Variants in INO80 observed in about 807,000 individuals in gnomAD.
INO80 encodes chromatin-remodeling ATPase INO80.
Under a neutral mutation model 203.4 loss-of-function variants are expected in INO80, and 20 were observed. That is an observed-to-expected ratio of 0.10 (90% CI 0.07 to 0.14). The LOEUF (loss-of-function observed/expected upper bound fraction) is 0.14. INO80 is among the 10% of genes least tolerant of loss of function. The pLI is 1.00. For missense variants in INO80, 1,419 were observed against 1,914.4 expected (o/e 0.74, Z 4.83); for synonymous variants, 726 against 685.2 (o/e 1.06, Z -0.93).
intron 1 of INO80, among the ~76,000 whole-genome samples, chr15:41,099,770 A>C (rs966934013): frequency 4.0e-5 from 6 of 148,298 alleles, no homozygotes; most frequent in African/African-American, 1.3e-4. Context: ...TAACAGAGTG[A>C]GACTATCCAA....
intron 1 of INO80, among the ~76,000 whole-genome samples, chr15:41,107,505 A>G (rs1052798317): frequency 6.6e-6 from 1 of 152,122 alleles, no homozygotes; most frequent in African/African-American, 2.4e-5. Flanking sequence ...TGTCATTAAA[A>G]AATAACTAAC....
chr15:41,028,516 GGTCA>G lies in INO80; in HGVS notation c.2908-784_2908-781del, dbSNP rs547114736. 2.7e-3 allele frequency among the ~76,000 whole-genome samples: 407 copies of G among 152,156 alleles called. 3 individuals are homozygous for G. The highest frequency in any genetic ancestry group is 0.013 in the South Asian group (61 of 4,810). On this transcript the variant is annotated intron_variant, in intron 24 of 35. Transcript: ENST00000648947. ...TTTATTCAGAGTAATCAATACAAGG[GGTCA>G]GTAACAGGAAATTCTATCTCTTTAG...
At chr15:41,100,958 T>C (rs977887588) in intron 1 of INO80, among the ~76,000 whole-genome samples, 1 of 151,676 alleles carries the variant, frequency 6.6e-6, no homozygotes, top group Non-Finnish European at 1.5e-5. Context: ...GCCTCCCAAG[T>C]AGCTGGGACT....
At chr15:41,080,744 C>T (rs1258137355) in intron 8 of INO80, among the ~76,000 whole-genome samples, 1 of 151,996 alleles carries the variant, frequency 6.6e-6, no homozygotes. Context: ...CCCAGCTACT[C>T]GGGAGGCTGA....
rs1355495701 is a variant in INO80, at chr15:40,979,882, G to A, written c.*341C>T. 1 of 322,628 alleles carries A rather than the reference G, an allele frequency of 3.1e-6. No individual in the cohort carries two copies. The highest frequency in any genetic ancestry group is 3.5e-5 in the South Asian group (1 of 28,644). 20.0% of individuals were successfully genotyped at this position (322,628 alleles called of 1,614,324 possible). A position where few individuals can be genotyped will look rare whatever the true frequency, so the allele number is the denominator to read the frequency against. Reference sequence around the variant, plus strand: ...TTGCAAGGGACGTGTCAGAGCCGAAGAGTGGAATCGGGATGGAAACAGTAT... The same window carrying A: ...TTGCAAGGGACGTGTCAGAGCCGAAAAGTGGAATCGGGATGGAAACAGTAT... On this transcript the variant is annotated 3_prime_UTR_variant, in exon 36 of 36. Coordinates refer to ENST00000648947, the MANE Select transcript of INO80 (RefSeq NM_017553.3).
In INO80 at chr15:40,984,350, C is replaced by A. The variant is rs1212193881; in HGVS notation, c.3924G>T (p.Lys1308Asn). The A allele has an allele frequency of 1.2e-6, 2 of 1,613,872 alleles. No homozygotes were observed. The highest frequency in any genetic ancestry group is 1.1e-5 in the South Asian group (1 of 91,048). Residue 1308 changes from lysine (K) to asparagine (N), a missense_variant and splice_region_variant, in exon 33 of 36, where the codon AAG becomes AAT. Lys to Asn is a moderately conservative substitution (Grantham distance 94). Around this residue, in one of 9 missense-constraint regions of INO80, gnomAD observed 214 missense variants for 248.9 expected, o/e 0.86. Coordinates refer to ENST00000648947, the MANE Select transcript of INO80 (RefSeq NM_017553.3). ...TCCCATCCAATTCATCTTCTTTTTT[C>A]TTCTGGGAACACACGGATAAATATG... Reference protein sequence around the residue: ...KRKREKYAEKKKKEDELDGKR... With the variant: ...KRKREKYAEKNKKEDELDGKR...
chr15:41,016,673 A>C, intron 26 of INO80: 1 of 152,508 alleles, frequency 6.6e-6, no homozygotes, highest in Middle Eastern at 3.2e-3. Flanking sequence ...AAAGTAAACA[A>C]AGAGATTTAT....
chr15:41,034,245 T>C (rs2044535601), intron 24 of INO80, among the ~76,000 whole-genome samples: 1 of 151,952 alleles, frequency 6.6e-6, no homozygotes. Flanking sequence ...CACCATAGGG[T>C]GGGTGAGTGC....
At chr15:40,994,981 G>A (rs1209049490) in intron 29 of INO80, among the ~76,000 whole-genome samples, 2 of 152,060 alleles carry the variant, frequency 1.3e-5, no homozygotes, top group Admixed American at 1.3e-4. Flanking sequence ...TCAGCCTCCC[G>A]AGTAGCTGGG....
chr15:41,060,058 G>A (rs907849002), intron 14 of INO80, 132 bp from the exon 15 acceptor site: 13 of 605,750 alleles, frequency 2.1e-5, no homozygotes, highest in Non-Finnish European at 3.6e-5. Flanking sequence ...TGCCAATGGT[G>A]GAATAAATGG....
intron 27 of INO80, among the ~76,000 whole-genome samples, chr15:41,005,959 TAAAAA>T (rs55706828): frequency 2.3e-5 from 3 of 131,426 alleles, no homozygotes; most frequent in Admixed American, 7.9e-5. Context: ...TAGGTTTCAT[TAAAAA>T]AAAAAAAAAA....
intron 24 of INO80, among the ~76,000 whole-genome samples, chr15:41,038,789 C>T (rs142892098): frequency 6.6e-6 from 1 of 152,302 alleles, no homozygotes; most frequent in African/African-American, 2.4e-5. Flanking sequence ...CCTGATATCA[C>T]ACTCTGAGGT....
intron 14 of INO80, 133 bp downstream of exon 14, chr15:41,069,437 T>C (rs1219585651): frequency 3.2e-5 from 17 of 533,496 alleles, no homozygotes; most frequent in Non-Finnish European, 5.2e-5. Flanking sequence ...CCCAAAGTGC[T>C]GAGATTACAA....
Position 41,059,915 on chromosome 15 carries a change from A to G in INO80, c.1794T>C (p.Tyr598=), listed in dbSNP as rs1456358346. ...RFVPKFKVLP[Y]WGNPHDRKVI... Reference sequence around the variant, plus strand: ...CTTTTCTATCATGAGGATTTCCCCAATATGGTAGCACCTAGAAAAAGGGCC... The same window carrying G: ...CTTTTCTATCATGAGGATTTCCCCAGTATGGTAGCACCTAGAAAAAGGGCC... Residue 598 remains tyrosine, a synonymous_variant, in exon 15 of 36, where the codon TAT becomes TAC. Coordinates refer to ENST00000648947, the MANE Select transcript of INO80 (RefSeq NM_017553.3). 6.2e-7 allele frequency: 1 copy of G among 1,609,516 alleles called. No homozygotes were observed. The highest frequency in any genetic ancestry group is 1.7e-5 in the Admixed American group (1 of 59,650).
At chr15:41,069,837 C>G (rs954238424) in intron 13 of INO80, among the ~76,000 whole-genome samples, 172 bp from the exon 14 acceptor site, 1 of 152,072 alleles carries the variant, frequency 6.6e-6, no homozygotes, top group Admixed American at 6.6e-5. Flanking sequence ...ATAATAAGAA[C>G]ATAAAGACAC....
intron 28 of INO80, among the ~76,000 whole-genome samples, chr15:41,004,032 A>T (rs2044002145): frequency 6.6e-6 from 1 of 152,258 alleles, no homozygotes. Flanking sequence ...GAAAAGATGA[A>T]GATCACCCAG....
intron 28 of INO80, among the ~76,000 whole-genome samples, chr15:41,003,439 C>A (rs2043993863): frequency 6.9e-6 from 1 of 144,650 alleles, no homozygotes; most frequent in African/African-American, 2.5e-5. Flanking sequence ...AAGTGATTCT[C>A]CTGCCTCAGC....
intron 27 of INO80, among the ~76,000 whole-genome samples, chr15:41,008,934 A>G (rs2044091825): frequency 6.6e-6 from 1 of 152,178 alleles, no homozygotes; most frequent in African/African-American, 2.4e-5. Context: ...CCGGGGTTCA[A>G]GCGATTCTCC....
rs755925549 is a variant in INO80 at position 41,081,030 on chromosome 15, T to C, written c.917A>G (p.Asn306Ser). The part of the protein sequence containing the change: ...KASARNLFLT[N>S]SRKLAHQCMK... ...AAACTACAATTTTACCTTTCGGCTA[T>C]TGGTGAGAAACAGGTTACGAGCTGA... Residue 306 changes from asparagine to serine, a missense_variant, in exon 8 of 36, where the codon AAT becomes AGT. Asn to Ser is a conservative substitution (Grantham distance 46). Transcript: ENST00000648947. 2.4e-5 allele frequency: 38 copies of C among 1,596,624 alleles called. No individual in the cohort carries two copies. Among genetic ancestry groups the C allele is most frequent in the East Asian group, 4.5e-5 (2 of 44,798 alleles).
Sources: allele counts gnomAD v4.1 joint callset (sites outside exome capture counted in the v4.1 genomes callset), GRCh38; gene constraint gnomAD v4.1.1; regional missense constraint gnomAD v4.1.1; transcripts MANE v1.5; gene names NCBI Gene and HGNC (gene_info 2026-07-23, HGNC 2026-07-21).